Variants in DLGAP4 observed in about 807,000 individuals in gnomAD.
DLGAP4 encodes DLG associated protein 4.
In DLGAP4, 18 loss-of-function variants were observed where a neutral mutation model predicts 86.9. The ratio of observed to expected loss-of-function variants is 0.21; its 90% confidence interval spans 0.14 to 0.31. The LOEUF (loss-of-function observed/expected upper bound fraction) is 0.31, where lower values mean the gene tolerates loss of function less well. Ranked by LOEUF, DLGAP4 falls within the 10% of genes least tolerant of loss-of-function variation. The probability of loss-of-function intolerance (pLI) is 1.00; values close to 1 mark genes in which losing one functional copy is unlikely to be tolerated. For missense variants in DLGAP4, 1,085 were observed against 1,362.6 expected (o/e 0.80, Z 3.21); for synonymous variants, 548 against 574.3 (o/e 0.95, Z 0.65).
chr20:36,404,152 T>G (rs369319028), intron 2 of DLGAP4, among the ~76,000 whole-genome samples: 2 of 152,176 alleles, frequency 1.3e-5, no homozygotes, highest in East Asian at 3.8e-4. Flanking sequence ...TATCACAAAT[T>G]GGACTATGAA....
chr20:36,491,425 C>T (rs2035657504), intron 7 of DLGAP4, among the ~76,000 whole-genome samples: 2 of 152,238 alleles, frequency 1.3e-5, no homozygotes, highest in African/African-American at 4.8e-5. Flanking sequence ...CATGAGGGAC[C>T]TGCATGGCTG....
Position 36,431,500 on chromosome 20 carries a change from C to T in DLGAP4, c.-72-146C>T, listed in dbSNP as rs2033128881. 3 of 552,010 alleles carry T rather than the reference C, an allele frequency of 5.4e-6. No individual in the cohort carries two copies. The highest frequency in any genetic ancestry group is 5.6e-5 in the South Asian group (2 of 35,944). 34.2% of individuals were successfully genotyped at this position (552,010 alleles called of 1,614,324 possible). A position where few individuals can be genotyped will look rare whatever the true frequency, so the allele number is the denominator to read the frequency against. On this transcript the variant is annotated intron_variant, in intron 2 of 12. Coordinates refer to ENST00000339266, the MANE Select transcript of DLGAP4 (RefSeq NM_001365621.2). The surrounding 1 kb of genome is among the most constrained non-coding windows in gnomAD (Gnocchi z 5.1). ...ATTTATACACAGAGTACGTGGGCCT[C>T]GGTGTGTACTCCTGTCCTCAGGCCC...
chr20:36,470,978 G>A (rs1203964102), intron 7 of DLGAP4, among the ~76,000 whole-genome samples: 2 of 152,284 alleles, frequency 1.3e-5, no homozygotes, highest in East Asian at 1.9e-4. Flanking sequence ...ATGTGTAGCT[G>A]TCGGAGCCAT....
In DLGAP4 at chr20:36,500,481, G is replaced by A. The variant is rs770105123; in HGVS notation, c.2382G>A (p.Pro794=). The A allele has an allele frequency of 6.3e-6, 10 of 1,591,958 alleles. No individual in the cohort carries two copies. Among genetic ancestry groups the A allele is most frequent in the East Asian group, 2.3e-5 (1 of 43,888 alleles). The change falls in exon 10 of 13, where the codon CCG becomes CCA. Residue 794 remains proline (P), a synonymous_variant. Coordinates refer to ENST00000339266, the MANE Select transcript of DLGAP4 (RefSeq NM_001365621.2). This position sits in a 1 kb window ranked among gnomAD's most constrained non-coding sequence, Gnocchi z 4.6. ...CCTCCTCCAGCTCCCCAGCAGAGCC[G>A]GCACAGCCAGGGGCCTGCCGCCGAG... The part of the protein sequence containing the change: ...LETSSSSPAE[P]AQPGACRRDG...
At chr20:36,310,461 C>T (rs1048714780) in intron 1 of DLGAP4, among the ~76,000 whole-genome samples, 1 of 152,036 alleles carries the variant, frequency 6.6e-6, no homozygotes, top group African/African-American at 2.4e-5. Flanking sequence ...AGGCGTGTCC[C>T]CTCTCTGGGC....
In DLGAP4 at chr20:36,524,451, C is replaced by A. The variant is rs754955027; in HGVS notation, c.2604+110C>A. 9.0e-6 allele frequency: 8 copies of A among 885,080 alleles called. No individual in the cohort carries two copies. In the South Asian group the frequency reaches 1.0e-4, roughly 11 times the overall value. The allele number at this position is 885,080 out of a possible 1,614,324, so 54.8% of individuals were successfully genotyped here. ...GCCCTCCTCTGTAACACACACAGCG[C>A]GGCTTCCTCATGGTGCTGGAAGGAC... is the stretch of plus-strand genomic sequence containing the variant. On this transcript the variant is annotated intron_variant, in intron 11 of 12. Transcript: ENST00000339266.
intron 2 of DLGAP4, among the ~76,000 whole-genome samples, chr20:36,430,648 C>G (rs1281796758): frequency 1.7e-5 from 1 of 58,972 alleles, no homozygotes; most frequent in Middle Eastern, 0.011. Flanking sequence ...GACCTTGTTG[C>G]AAAAAAAAAA....
chr20:36,510,287 CGA>C (rs969575825), intron 10 of DLGAP4, among the ~76,000 whole-genome samples: 7 of 151,128 alleles, frequency 4.6e-5, no homozygotes, highest in African/African-American at 1.7e-4. Context: ...ATTTTTTTGG[CGA>C]GTCTCACTCT....
chr20:36,431,408 T>C lies in DLGAP4; in HGVS notation c.-72-238T>C, dbSNP rs1014849607. ...TTTCCAGGTTGTTTTAAAGATACAG[T>C]CCTCAAGCTAGAAGAATGGAAGATG... On this transcript the variant is annotated intron_variant, in intron 2 of 12. Transcript: ENST00000339266. This position sits in a 1 kb window ranked among gnomAD's most constrained non-coding sequence, Gnocchi z 5.1. Among the ~76,000 whole-genome samples, 1 of 152,098 alleles carries C rather than the reference T, an allele frequency of 6.6e-6. No individual in the cohort carries two copies.
At position 36,439,814 on chromosome 20, in the gene DLGAP4, A is replaced by G; in HGVS notation, c.1302A>G (p.Glu434=). ...MLLPSKCPSW[E]EDYTPVSDSL... ...TGCCCTCCAAGTGTCCGAGCTGGGA[A>G]GAGGACTACACCCCCGTCAGCGACA... Residue 434 remains glutamate, a synonymous_variant, in exon 5 of 13, where the codon GAA becomes GAG. Coordinates refer to ENST00000339266, the MANE Select transcript of DLGAP4 (RefSeq NM_001365621.2). 2 of 1,613,852 alleles carry G rather than the reference A, an allele frequency of 1.2e-6. No individual in the cohort carries two copies. The highest frequency in any genetic ancestry group is 1.7e-6 in the Non-Finnish European group (2 of 1,179,970).
chr20:36,351,584 T>C (rs1364848701), intron 1 of DLGAP4, among the ~76,000 whole-genome samples: 3 of 152,068 alleles, frequency 2.0e-5, no homozygotes, highest in African/African-American at 7.2e-5. Context: ...ATTATTTCAT[T>C]ATATATTACA....
chr20:36,388,415 G>T (rs1367961070), intron 2 of DLGAP4, among the ~76,000 whole-genome samples: 1 of 152,040 alleles, frequency 6.6e-6, no homozygotes, highest in South Asian at 2.1e-4. Context: ...CCAGCTCCTG[G>T]AGCCCCCAGA....
chr20:36,322,427 T>G (rs2065177895), intron 1 of DLGAP4, among the ~76,000 whole-genome samples: 1 of 152,098 alleles, frequency 6.6e-6, no homozygotes, highest in African/African-American at 2.4e-5. Context: ...TAGATGCAAA[T>G]CCAGCTCTGC....
chr20:36,413,049 G>T (rs192100356), intron 2 of DLGAP4, among the ~76,000 whole-genome samples: 66 of 147,792 alleles, frequency 4.5e-4, no homozygotes, highest in Non-Finnish European at 1.5e-5. Context: ...TTGCGATCTT[G>T]GCTCACTGCA....
Position 36,466,974 on chromosome 20 carries a change from CCTCT to C in DLGAP4, c.1648+20050_1648+20053del, listed in dbSNP as rs532237646. On this transcript the variant is annotated intron_variant, in intron 7 of 12. Coordinates refer to ENST00000339266, the MANE Select transcript of DLGAP4 (RefSeq NM_001365621.2). ...TCTCTCTCTCTCTCTCTGTCTCTCTCCTCTCTCTCTCTCTCTGTCTCTGTCTCTC... is the reference window on the plus strand; with the variant it reads ...TCTCTCTCTCTCTCTCTGTCTCTCTCCTCTCTCTCTCTGTCTCTGTCTCTC... Among the ~76,000 whole-genome samples the C allele has an allele frequency of 7.8e-3, 1,062 of 136,608 alleles. 4 individuals are homozygous for C. Among genetic ancestry groups the C allele is most frequent in the Middle Eastern group, 0.023 (6 of 260 alleles). The allele number at this position is 136,608 out of a possible 152,430, so 89.6% of individuals were successfully genotyped here.
intron 12 of DLGAP4, 97 bp from the exon 13 acceptor site, chr20:36,526,716 G>T: frequency 8.5e-7 from 1 of 1,179,566 alleles, no homozygotes; most frequent in South Asian, 1.6e-5. Context: ...GGAGGCTGGG[G>T]TGGAGACTCC....
Position 36,499,568 on chromosome 20 carries a change from T to C in DLGAP4, c.2011-20T>C, listed in dbSNP as rs1490750665. 1.9e-6 allele frequency: 3 copies of C among 1,611,986 alleles called. No individual in the cohort carries two copies. Among genetic ancestry groups the C allele is most frequent in the African/African-American group, 1.3e-5 (1 of 74,904 alleles). On this transcript the variant is annotated intron_variant, in intron 8 of 12. Coordinates refer to ENST00000339266, the MANE Select transcript of DLGAP4 (RefSeq NM_001365621.2). ...TTTGTCTTTGTCTCCGTGCCGTTGC[T>C]GTCGTTGTCCTTCAATAAGGTTGAC... is the stretch of plus-strand genomic sequence containing the variant.
At position 36,432,582 on chromosome 20, in the gene DLGAP4, G is replaced by A. The variant is rs773439639; in HGVS notation, c.865G>A (p.Val289Ile). ...TGGGGTGGGCACTGACACCAACTACGTCAAACGGGGCTCCTGGTCCACTCT... is the reference window on the plus strand; with the variant it reads ...TGGGGTGGGCACTGACACCAACTACATCAAACGGGGCTCCTGGTCCACTCT... ...SLGVGTDTNY[V>I]KRGSWSTLTL... The change falls in exon 3 of 13, where the codon GTC (valine) becomes ATC (isoleucine). Residue 289 changes from valine (V) to isoleucine (I), a missense_variant. Val to Ile is a conservative substitution (Grantham distance 29). Transcript: ENST00000339266. This position sits in a 1 kb window ranked among gnomAD's most constrained non-coding sequence, Gnocchi z 6.5. 32 of 1,604,042 alleles carry A rather than the reference G, an allele frequency of 2.0e-5. No individual in the cohort carries two copies. The highest frequency in any genetic ancestry group is 1.0e-4 in the Admixed American group (6 of 59,248).
intron 7 of DLGAP4, among the ~76,000 whole-genome samples, chr20:36,488,626 A>G (rs1047603005): frequency 6.6e-6 from 1 of 151,238 alleles, no homozygotes; most frequent in Non-Finnish European, 1.5e-5. Flanking sequence ...CCCAGGCTAG[A>G]GTGTGCAGTG....
Sources: gnomAD v4.1 joint callset for allele counts (sites outside exome capture counted in the v4.1 genomes callset) on GRCh38, gnomAD v4.1.1 for gene constraint, Gnocchi (gnomAD v3.1) non-coding constraint, MANE v1.5 for transcripts, NCBI Gene and HGNC (gene_info 2026-07-23, HGNC 2026-07-21) for gene names.